PAX5: variants seen among roughly 807,000 people sequenced by gnomAD.
PAX5 encodes paired box protein Pax-5.
A neutral mutation model predicts 43.7 loss-of-function variants in PAX5; 9 were observed. The ratio of observed to expected loss-of-function variants is 0.21; its 90% CI spans 0.12 to 0.36. The LOEUF (loss-of-function observed/expected upper bound fraction) is 0.36, where lower values mean the gene tolerates loss of function less well. PAX5 is among the 10% of genes least tolerant of loss of function. The pLI, the probability that PAX5 is intolerant of heterozygous loss-of-function variation, is 1.00. For missense variants in PAX5, 383 were observed against 532.7 expected, an observed-to-expected ratio of 0.72 and a Z score of 2.77; for synonymous variants, 228 against 214.3, an observed-to-expected ratio of 1.06 and a Z score of -0.56.
chr9:36,850,770 T>A (rs1040670086), intron 8 of PAX5, among the ~76,000 whole-genome samples: 1 of 152,060 alleles, frequency 6.6e-6, no homozygotes, highest in African/African-American at 2.4e-5. Context: ...TTCTCAGAGG[T>A]GGTTCCTGGC....
At chr9:36,957,635 G>A (rs1833598536) in intron 6 of PAX5, among the ~76,000 whole-genome samples, 1 of 152,168 alleles carries the variant, frequency 6.6e-6, no homozygotes, top group Non-Finnish European at 1.5e-5. Flanking sequence ...AAGCCTGTAG[G>A]TCAGTTGCCT....
chr9:36,994,810 GA>G (rs1276849742), intron 5 of PAX5, among the ~76,000 whole-genome samples: 1 of 152,144 alleles, frequency 6.6e-6, no homozygotes, highest in Admixed American at 6.5e-5. Context: ...ATCCATACAT[GA>G]AATTTCCTGA....
intron 6 of PAX5, among the ~76,000 whole-genome samples, chr9:36,944,636 G>C (rs1159708504): frequency 6.6e-6 from 1 of 152,114 alleles, no homozygotes; most frequent in Non-Finnish European, 1.5e-5. Context: ...TCTCAAACCA[G>C]GTGGAATTTC....
chr9:36,923,015 C>T (rs1222567661), intron 7 of PAX5: 1 of 245,764 alleles, frequency 4.1e-6, no homozygotes, highest in Non-Finnish European at 7.8e-6. Flanking sequence ...ACCAGGGTGG[C>T]CTTTCTCATG....
chr9:36,848,648 C>T (rs1404886210), intron 8 of PAX5, among the ~76,000 whole-genome samples: 2 of 152,150 alleles, frequency 1.3e-5, no homozygotes, highest in African/African-American at 2.4e-5. Flanking sequence ...TCTGAGCACC[C>T]GTGGACCTGC....
At chr9:36,905,840 T>C (rs1413350360) in intron 7 of PAX5, among the ~76,000 whole-genome samples, 2 of 152,178 alleles carry the variant, frequency 1.3e-5, no homozygotes, top group Non-Finnish European at 2.9e-5. Flanking sequence ...GAGTTCTCAG[T>C]CTCAGCCTCC....
chr9:36,987,640 C>T (rs1836545899), intron 5 of PAX5, among the ~76,000 whole-genome samples: 1 of 152,166 alleles, frequency 6.6e-6, no homozygotes, highest in Non-Finnish European at 1.5e-5. Flanking sequence ...TCTGCTCGTT[C>T]CCTCTCCCCA....
At chr9:36,922,356 A>G (rs1830239169) in intron 7 of PAX5, among the ~76,000 whole-genome samples, 2 of 152,078 alleles carry the variant, frequency 1.3e-5, no homozygotes, top group South Asian at 4.1e-4. Context: ...AACCAGACCC[A>G]TGGCTCTGGC....
chr9:36,857,431 G>T (rs775574757), intron 8 of PAX5, among the ~76,000 whole-genome samples: 2 of 152,168 alleles, frequency 1.3e-5, no homozygotes, highest in South Asian at 2.1e-4. Context: ...AGTGAAATGC[G>T]CCTAGGCTTC....
At chr9:36,898,219 C>T (rs182853675) in intron 7 of PAX5, among the ~76,000 whole-genome samples, 35 of 152,320 alleles carry the variant, frequency 2.3e-4, no homozygotes, top group African/African-American at 7.9e-4. Flanking sequence ...CAACTCAGCA[C>T]GAGCTTTAGT....
intron 7 of PAX5, among the ~76,000 whole-genome samples, chr9:36,892,826 C>T (rs980242921): frequency 3.3e-5 from 5 of 152,292 alleles, no homozygotes; most frequent in South Asian, 2.1e-4. Context: ...AATTGTGGAG[C>T]GATCTCCAAG....
intron 6 of PAX5, among the ~76,000 whole-genome samples, chr9:36,952,696 T>C (rs1833113391): frequency 6.6e-6 from 1 of 152,212 alleles, no homozygotes; most frequent in African/African-American, 2.4e-5. Flanking sequence ...TTATATCTAA[T>C]CTAAATTCAC....
At chr9:36,889,957 G>A (rs1224380356) in intron 7 of PAX5, among the ~76,000 whole-genome samples, 2 of 145,858 alleles carry the variant, frequency 1.4e-5, no homozygotes, top group African/African-American at 2.6e-5. Context: ...GGGGGGGAAT[G>A]TGAATCCAAT....
At chr9:36,943,263 T>C (rs1252092995) in intron 6 of PAX5, among the ~76,000 whole-genome samples, 1 of 152,152 alleles carries the variant, frequency 6.6e-6, no homozygotes. Context: ...CAGGCAAAGA[T>C]GGGGAGTCTG....
intron 4 of PAX5, among the ~76,000 whole-genome samples, chr9:37,003,323 C>A (rs998624508): frequency 2.0e-5 from 3 of 152,100 alleles, no homozygotes; most frequent in African/African-American, 7.2e-5. Flanking sequence ...TTATAGTTTT[C>A]TTGCTGCCTT....
chr9:37,034,220 T>G lies in PAX5; in HGVS notation c.-189A>C. 1 of 583,644 alleles carries G rather than the reference T, an allele frequency of 1.7e-6. No homozygotes were observed. The highest frequency in any genetic ancestry group is 3.0e-6 in the Non-Finnish European group (1 of 333,532). The allele number at this position is 583,644 out of a possible 1,614,324, so 36.2% of individuals were successfully genotyped here. ...GATCACTGAGCTGAAACTAAACGTTTTAGGTGGAAAAAAAGCGTCCGAAGG... is the reference window on the plus strand; with the variant it reads ...GATCACTGAGCTGAAACTAAACGTTGTAGGTGGAAAAAAAGCGTCCGAAGG... On this transcript the variant is annotated 5_prime_UTR_variant, in exon 1 of 10. Transcript: ENST00000358127.
intron 1 of PAX5, among the ~76,000 whole-genome samples, chr9:37,022,019 A>C (rs867573399): frequency 2.0e-5 from 3 of 152,304 alleles, no homozygotes; most frequent in African/African-American, 7.2e-5. Context: ...TCTCCCCAGT[A>C]CTAAACTACA....
intron 6 of PAX5, among the ~76,000 whole-genome samples, chr9:36,958,878 C>A (rs1419791944): frequency 6.6e-6 from 1 of 152,206 alleles, no homozygotes; most frequent in Non-Finnish European, 1.5e-5. Flanking sequence ...CCCTGAACTC[C>A]TGGGCAGAGG....
At chr9:36,949,962 C>G (rs1214183437) in intron 6 of PAX5, among the ~76,000 whole-genome samples, 1 of 152,252 alleles carries the variant, frequency 6.6e-6, no homozygotes, top group East Asian at 1.9e-4. Context: ...CTAAGCGACA[C>G]CTCTTTGACT....
Sources: allele counts gnomAD v4.1 joint callset (sites outside exome capture counted in the v4.1 genomes callset), GRCh38; gene constraint gnomAD v4.1.1; transcripts MANE v1.5; gene names NCBI Gene and HGNC (gene_info 2026-07-23, HGNC 2026-07-21).